Variants in INPP4A observed in about 807,000 individuals in gnomAD.
INPP4A encodes the protein inositol polyphosphate-4-phosphatase, type I, 107kD.
A neutral mutation model predicts 119.8 loss-of-function variants in INPP4A; 33 were observed. That is an observed-to-expected ratio of 0.28 (90% CI 0.21 to 0.37). The LOEUF (loss-of-function observed/expected upper bound fraction) is 0.37. Among genes scored for constraint, INPP4A ranks in the 10% least tolerant of loss-of-function variants. The pLI, the probability that INPP4A is intolerant of heterozygous loss-of-function variation, is 1.00. For synonymous variants in INPP4A, 496 were observed against 500.7 expected (o/e 0.99, Z 0.12); for missense variants, 956 against 1,289.9 (o/e 0.74, Z 3.97).
intron 1 of INPP4A, among the ~76,000 whole-genome samples, chr2:98,505,670 A>G (rs1369297556): frequency 1.3e-5 from 2 of 152,226 alleles, no homozygotes; most frequent in African/African-American, 2.4e-5. Flanking sequence ...ATAAAAGCAG[A>G]GCAGAGGAGC....
At position 98,564,913 on chromosome 2, in the gene INPP4A, G is replaced by T. The variant is rs1419807522; in HGVS notation, c.2152+150G>T. ...AGCAGACCAGATGGCAGACCTGGCA[G>T]TTACACACGCACACGCCTTGGTTTG... On this transcript the variant is annotated intron_variant, in intron 19 of 24. Coordinates refer to ENST00000409851, the MANE Select transcript of INPP4A (RefSeq NM_001134225.2). 9 of 957,574 alleles carry T rather than the reference G, an allele frequency of 9.4e-6. No individual in the cohort carries two copies. In the African/African-American group the frequency reaches 1.3e-4, roughly 14 times the overall value. 59.3% of individuals were successfully genotyped at this position (957,574 alleles called of 1,614,324 possible). A position where few individuals can be genotyped will look rare whatever the true frequency, so the allele number is the denominator to read the frequency against.
Position 98,535,706 on chromosome 2 carries a change from GATTATTTCCT to G in INPP4A, c.271-22_271-13del. ...TTTTAAAAATCCAACCCTGTGTTCT[GATTATTTCCT>G]TTTCTGTTCTAGGGAACCAACAATC... is the stretch of plus-strand genomic sequence containing the variant. On this transcript the variant is annotated splice_polypyrimidine_tract_variant and intron_variant, in intron 5 of 24. Transcript: ENST00000409851. 1.8e-6 allele frequency: 2 copies of G among 1,124,354 alleles called. No homozygotes were observed. The highest frequency in any genetic ancestry group is 2.6e-6 in the Non-Finnish European group (2 of 760,826). 69.6% of individuals were successfully genotyped at this position (1,124,354 alleles called of 1,614,324 possible).
chr2:98,522,041 A>G (rs1299276078), intron 4 of INPP4A, among the ~76,000 whole-genome samples: 1 of 152,194 alleles, frequency 6.6e-6, no homozygotes, highest in Non-Finnish European at 1.5e-5. Flanking sequence ...TAATCCCAGC[A>G]GTTTGGGAGG....
intron 1 of INPP4A, among the ~76,000 whole-genome samples, chr2:98,480,136 A>G (rs961756571): frequency 6.6e-6 from 1 of 152,182 alleles, no homozygotes; most frequent in Non-Finnish European, 1.5e-5. Flanking sequence ...TGCCAGCCCC[A>G]GAGGCCTGCC....
At chr2:98,575,217 G>A (rs1015566213) in intron 23 of INPP4A, among the ~76,000 whole-genome samples, 1 of 152,264 alleles carries the variant, frequency 6.6e-6, no homozygotes, top group Non-Finnish European at 1.5e-5. Flanking sequence ...ACCCAGCAGT[G>A]CACCACAAGT....
intron 1 of INPP4A, among the ~76,000 whole-genome samples, chr2:98,459,321 C>T (rs1021692500): frequency 4.6e-5 from 7 of 152,274 alleles, no homozygotes; most frequent in African/African-American, 1.4e-4. Flanking sequence ...GGGTAGAGTT[C>T]AGGGAGCTAT....
intron 13 of INPP4A, chr2:98,549,015 T>G (rs773079025): frequency 1.3e-5 from 20 of 1,593,454 alleles, no homozygotes; most frequent in Non-Finnish European, 1.7e-5. Context: ...GGTCTCGTCC[T>G]CATGCAGAGA....
chr2:98,545,841 T>G, intron 11 of INPP4A, 128 bp from the exon 12 acceptor site: 2 of 628,390 alleles, frequency 3.2e-6, no homozygotes, highest in Non-Finnish European at 5.4e-6. Context: ...CAACTCAGAA[T>G]CTTCTAGGCC....
intron 1 of INPP4A, among the ~76,000 whole-genome samples, chr2:98,494,908 A>T (rs140652784): frequency 2.0e-5 from 3 of 152,346 alleles, no homozygotes; most frequent in African/African-American, 7.2e-5. Flanking sequence ...CAGACAGCTT[A>T]ACAAAGAGAT....
intron 1 of INPP4A, among the ~76,000 whole-genome samples, chr2:98,447,034 C>T (rs1409437185): frequency 1.3e-5 from 2 of 152,134 alleles, no homozygotes; most frequent in Non-Finnish European, 2.9e-5. Flanking sequence ...CAAATGCACA[C>T]GGGAATGGAC....
At chr2:98,586,152 G>C (rs1298827068) in intron 24 of INPP4A, among the ~76,000 whole-genome samples, 3 of 152,214 alleles carry the variant, frequency 2.0e-5, no homozygotes, top group Non-Finnish European at 2.9e-5. Flanking sequence ...GAGGCCTTGA[G>C]GCTCCGTGAC....
intron 7 of INPP4A, 120 bp from the exon 8 acceptor site, chr2:98,537,743 A>C: frequency 1.4e-6 from 1 of 697,414 alleles, no homozygotes; most frequent in Non-Finnish European, 2.6e-6. Context: ...CTGACTGGTC[A>C]GTCAGCTCGG....
At chr2:98,558,477 C>G (rs902373406) in intron 16 of INPP4A, among the ~76,000 whole-genome samples, 12 of 152,154 alleles carry the variant, frequency 7.9e-5, no homozygotes, top group Admixed American at 2.6e-4. Context: ...CTTGCAGATG[C>G]CTTTGTATTC....
At chr2:98,459,475 T>G (rs1696746465) in intron 1 of INPP4A, among the ~76,000 whole-genome samples, 1 of 152,174 alleles carries the variant, frequency 6.6e-6, no homozygotes. Flanking sequence ...TCTTACCCTC[T>G]CCTCCTTGGT....
At chr2:98,532,299 C>G (rs895573286) in intron 4 of INPP4A, among the ~76,000 whole-genome samples, 6 of 152,030 alleles carry the variant, frequency 3.9e-5, no homozygotes, top group African/African-American at 1.4e-4. Context: ...TTCCTTCATC[C>G]CATCACTCCT....
At chr2:98,501,580 G>A (rs1683136055) in intron 1 of INPP4A, among the ~76,000 whole-genome samples, 1 of 152,198 alleles carries the variant, frequency 6.6e-6, no homozygotes, top group African/African-American at 2.4e-5. Flanking sequence ...GAGGCAGGGA[G>A]TAATGATTTC....
chr2:98,464,200 C>T (rs891661346), intron 1 of INPP4A, among the ~76,000 whole-genome samples: 5 of 152,012 alleles, frequency 3.3e-5, no homozygotes, highest in Non-Finnish European at 5.9e-5. Flanking sequence ...AAGGTTGGGA[C>T]AGCACAGCCC....
chr2:98,501,791 G>A (rs1683167322), intron 1 of INPP4A, among the ~76,000 whole-genome samples: 1 of 152,182 alleles, frequency 6.6e-6, no homozygotes, highest in South Asian at 2.1e-4. Context: ...TTAAAACCTG[G>A]ACCAGGTCAA....
chr2:98,458,346 GA>G (rs887321138), intron 1 of INPP4A, among the ~76,000 whole-genome samples: 49 of 148,940 alleles, frequency 3.3e-4, no homozygotes, highest in Non-Finnish European at 6.1e-4. Flanking sequence ...CTCTGCCTCA[GA>G]AAAAAAAAAT....
Sources: gnomAD v4.1 joint callset for allele counts (sites outside exome capture counted in the v4.1 genomes callset) on GRCh38, gnomAD v4.1.1 for gene constraint, MANE v1.5 for transcripts, NCBI Gene and HGNC (gene_info 2026-07-23, HGNC 2026-07-21) for gene names.